The following PRSS55 variants were observed in gnomAD, a reference collection of about 807,000 sequenced individuals.
PRSS55 encodes serine protease 55.
In PRSS55, 41 loss-of-function variants were observed where a neutral mutation model predicts 23.6. The observed-to-expected ratio is 1.74, with a 90% CI of 1.35 to 2.26. The LOEUF (loss-of-function observed/expected upper bound fraction) is 2.26. PRSS55 is among the 30% of genes most tolerant of loss of function. PRSS55 has a pLI of 0.00. For synonymous variants in PRSS55, 262 were observed against 175.5 expected, an observed-to-expected ratio of 1.49 and a Z score of -3.90; for missense variants, 669 against 439.1, an observed-to-expected ratio of 1.52 and a Z score of -4.68.
chr8:10,532,393 C>T (rs1812300404), intron 3 of PRSS55, among the ~76,000 whole-genome samples: 2 of 152,098 alleles, frequency 1.3e-5, no homozygotes, highest in Admixed American at 1.3e-4. Flanking sequence ...GGTGAATTCC[C>T]GGCATCTGGC....
intron 2 of PRSS55, among the ~76,000 whole-genome samples, chr8:10,529,957 C>G (rs938050552): frequency 1.3e-5 from 2 of 152,358 alleles, no homozygotes; most frequent in South Asian, 2.1e-4. Flanking sequence ...CCCGGAACAC[C>G]TGTGGCTTGA....
At chr8:10,553,900 C>G (rs758837516) in intron 4 of PRSS55, 1 of 1,325,688 alleles carries the variant, frequency 7.5e-7, no homozygotes, top group South Asian at 1.4e-5. Flanking sequence ...ACAATAAATA[C>G]ATAAAATTTT....
chr8:10,549,974 C>T (rs1026455068), intron 4 of PRSS55, among the ~76,000 whole-genome samples: 2 of 152,124 alleles, frequency 1.3e-5, no homozygotes, highest in African/African-American at 4.8e-5. Context: ...GGCTGGAGTG[C>T]CGTGCTGTGA....
At chr8:10,530,950 G>A (rs933257011) in intron 2 of PRSS55, among the ~76,000 whole-genome samples, 1 of 152,128 alleles carries the variant, frequency 6.6e-6, no homozygotes, top group Non-Finnish European at 1.5e-5. Flanking sequence ...TCTATCTGAA[G>A]GTCAGTTTGA....
At chr8:10,531,845 A>G (rs1812278632) in intron 3 of PRSS55, 1 of 364,466 alleles carries the variant, frequency 2.7e-6, no homozygotes, top group Admixed American at 4.3e-5. Context: ...ATTCATAAAC[A>G]TCTTCCCTGA....
At chr8:10,552,015 C>T (rs957659746) in intron 4 of PRSS55, among the ~76,000 whole-genome samples, 3 of 152,314 alleles carry the variant, frequency 2.0e-5, no homozygotes, top group East Asian at 3.9e-4. Context: ...CACGGCAGAA[C>T]GTGCCGGAAG....
At chr8:10,551,616 C>T (rs1255568959) in intron 4 of PRSS55, among the ~76,000 whole-genome samples, 1 of 152,256 alleles carries the variant, frequency 6.6e-6, no homozygotes, top group Non-Finnish European at 1.5e-5. Flanking sequence ...AGGGGCTTCA[C>T]CTCCTAACCC....
intron 1 of PRSS55, among the ~76,000 whole-genome samples, chr8:10,526,199 G>C (rs912063328): frequency 6.6e-6 from 1 of 152,220 alleles, no homozygotes; most frequent in Non-Finnish European, 1.5e-5. Flanking sequence ...CAAGACTTCA[G>C]GGATGCTGGG....
rs1029216835 is a variant in PRSS55, at chr8:10,545,874, G to C, written c.742-8069G>C. ...AGTTCTGCATTTTTACATCAGAACCGGCCCAGTAAGAGGCATCTTCTATCT... is the reference window on the plus strand; with the variant it reads ...AGTTCTGCATTTTTACATCAGAACCCGCCCAGTAAGAGGCATCTTCTATCT... On this transcript the variant is annotated intron_variant, in intron 4 of 4. Transcript: ENST00000522210. Among the ~76,000 whole-genome samples, 7 of 152,324 alleles carry C rather than the reference G, an allele frequency of 4.6e-5. No individual in the cohort carries two copies. In the East Asian group the frequency reaches 9.6e-4, roughly 21 times the overall value.
At chr8:10,529,818 T>A in intron 2 of PRSS55, 119 bp downstream of exon 2, 1 of 1,019,258 alleles carries the variant, frequency 9.8e-7, no homozygotes, top group Non-Finnish European at 1.5e-6. Flanking sequence ...CCAGTCGGCA[T>A]GAATGGCTCC....
At chr8:10,552,536 G>T (rs990610811) in intron 4 of PRSS55, among the ~76,000 whole-genome samples, 3 of 151,894 alleles carry the variant, frequency 2.0e-5, no homozygotes, top group Non-Finnish European at 4.4e-5. Flanking sequence ...CTTTTAAGGG[G>T]TTAATCCCCA....
chr8:10,546,724 C>A (rs1304499616), intron 4 of PRSS55, among the ~76,000 whole-genome samples: 1 of 152,150 alleles, frequency 6.6e-6, no homozygotes, highest in Non-Finnish European at 1.5e-5. Flanking sequence ...CACTCTGTTG[C>A]TCAGGCAGAA....
intron 4 of PRSS55, among the ~76,000 whole-genome samples, chr8:10,534,037 C>T (rs760310307): frequency 1.3e-5 from 2 of 151,950 alleles, no homozygotes; most frequent in African/African-American, 4.8e-5. Flanking sequence ...GTTTAGGAGC[C>T]CCCCATGTGG....
chr8:10,540,691 G>C (rs527984279), downstream of PRSS55: 1 of 152,152 alleles, frequency 6.6e-6, no homozygotes, highest in Non-Finnish European at 1.5e-5. Flanking sequence ...CTCCGGCCTG[G>C]GCATCAAGAG....
chr8:10,543,528 C>T (rs1285542556), downstream of PRSS55, among the ~76,000 whole-genome samples: 5 of 147,730 alleles, frequency 3.4e-5, no homozygotes, highest in African/African-American at 1.3e-4. Context: ...AGGCTCAGTG[C>T]AGCGGCACCA....
At chr8:10,527,277 A>G (rs1340465265) in intron 1 of PRSS55, among the ~76,000 whole-genome samples, 1 of 152,176 alleles carries the variant, frequency 6.6e-6, no homozygotes. Flanking sequence ...GCTTGTTTTC[A>G]ATTTGTCATG....
chr8:10,531,151 C>T, intron 2 of PRSS55, 144 bp from the exon 3 acceptor site: 1 of 1,015,100 alleles, frequency 9.9e-7, no homozygotes, highest in Non-Finnish European at 1.5e-6. Context: ...TTTTCCAATC[C>T]TCACACCTTC....
intron 4 of PRSS55, among the ~76,000 whole-genome samples, chr8:10,545,603 A>T (rs1052999715): frequency 2.0e-4 from 31 of 152,228 alleles, no homozygotes; most frequent in Non-Finnish European, 3.1e-4. Context: ...ATCACCAAGA[A>T]ATAGAGGCCA....
chr8:10,531,719 C>A (rs369702981), intron 3 of PRSS55, 174 bp downstream of exon 3: 17 of 817,770 alleles, frequency 2.1e-5, no homozygotes, highest in African/African-American at 1.2e-4. Flanking sequence ...CAAGGTGAGA[C>A]ACCAGGTCTG....
Sources: allele counts gnomAD v4.1 joint callset (sites outside exome capture counted in the v4.1 genomes callset), GRCh38; gene constraint gnomAD v4.1.1; transcripts MANE v1.5; gene names NCBI Gene and HGNC (gene_info 2026-07-23, HGNC 2026-07-21).